The following PDE8A variants were observed in gnomAD, a reference collection of about 807,000 sequenced individuals.
The protein encoded by PDE8A is phosphodiesterase 8A.
A neutral mutation model predicts 105.0 loss-of-function variants in PDE8A; 59 were observed. The observed-to-expected ratio is 0.56, with a 90% CI of 0.46 to 0.70. PDE8A has a LOEUF of 0.70. PDE8A is among the 30% of genes least tolerant of loss of function. The pLI, the probability that PDE8A is intolerant of heterozygous loss-of-function variation, is 0.00. For missense variants in PDE8A, 1,014 were observed against 1,045.9 expected (o/e 0.97, Z 0.42); for synonymous variants, 355 against 371.9 (o/e 0.95, Z 0.52).
intron 1 of PDE8A, among the ~76,000 whole-genome samples, chr15:85,058,305 T>C (rs1447124305): frequency 6.6e-6 from 1 of 152,164 alleles, no homozygotes; most frequent in Non-Finnish European, 1.5e-5. Context: ...TAGGCTTGTC[T>C]TGACTCCTGG....
rs567300953 is a variant in PDE8A, at chr15:85,039,427, TA to T, written c.187-24930del. 7.0e-3 allele frequency among the ~76,000 whole-genome samples: 952 copies of T among 136,628 alleles called. 3 individuals carry two copies. Among genetic ancestry groups the T allele is most frequent in the Non-Finnish European group, 8.6e-3 (544 of 62,968 alleles). The allele number at this position is 136,628 out of a possible 152,430, so 89.6% of individuals were successfully genotyped here. Reference sequence around the variant, plus strand: ...CTGGGTGACAGAGTGAGATCTTGTCTAAAAAAAAAAAAAGATGGAAAATAAA... The same window carrying T: ...CTGGGTGACAGAGTGAGATCTTGTCTAAAAAAAAAAAAGATGGAAAATAAA... On this transcript the variant is annotated intron_variant, in intron 1 of 21. Transcript: ENST00000394553.
At chr15:85,115,946 T>TA (rs1418834560) in intron 15 of PDE8A, 38 bp from the exon 16 acceptor site, 8 of 1,575,632 alleles carry the variant, frequency 5.1e-6, no homozygotes, top group East Asian at 4.5e-5. Context: ...GTTAATCCTT[T>TA]AAAGCCTATT....
intron 21 of PDE8A, 44 bp downstream of exon 21, chr15:85,136,707 G>T: frequency 6.3e-7 from 1 of 1,582,510 alleles, no homozygotes. Context: ...TCTAAATAAT[G>T]GGGAACCGCG....
chr15:85,004,355 A>G (rs1035966366), intron 1 of PDE8A, among the ~76,000 whole-genome samples: 1 of 152,202 alleles, frequency 6.6e-6, no homozygotes, highest in African/African-American at 2.4e-5. Flanking sequence ...TTACTAATTC[A>G]GGGGCAGGCA....
chr15:85,134,096 C>T (rs182020491), intron 20 of PDE8A, among the ~76,000 whole-genome samples: 24 of 152,296 alleles, frequency 1.6e-4, no homozygotes, highest in South Asian at 1.0e-3. Context: ...CAGGAGGGAA[C>T]GGGGGCCCCT....
rs558744564 is a variant in PDE8A at position 84,993,209 on chromosome 15, C to T, written c.186+10861C>T. On this transcript the variant is annotated intron_variant, in intron 1 of 21. Coordinates refer to ENST00000394553, the MANE Select transcript of PDE8A (RefSeq NM_002605.3). The stretch of plus-strand genomic sequence containing the variant: ...CTGTAATCCCAGCACTTTGGGAGGC[C>T]AAGGCGGGCGGATCACAAGGTCAGG... 1.8e-3 allele frequency among the ~76,000 whole-genome samples: 267 copies of T among 150,788 alleles called. 2 individuals carry two copies. Among genetic ancestry groups the T allele is most frequent in the South Asian group, 0.013 (62 of 4,746 alleles).
At chr15:85,075,308 G>T (rs2081365777) in intron 3 of PDE8A, among the ~76,000 whole-genome samples, 1 of 152,190 alleles carries the variant, frequency 6.6e-6, no homozygotes, top group Non-Finnish European at 1.5e-5. Flanking sequence ...ATGAGGTGTT[G>T]ATGCTCTTCT....
chr15:85,060,136 T>C (rs2141440631), intron 1 of PDE8A, among the ~76,000 whole-genome samples: 1 of 152,374 alleles, frequency 6.6e-6, no homozygotes, highest in East Asian at 1.9e-4. Context: ...TGTGTTCAGT[T>C]GATTTTTTGT....
intron 1 of PDE8A, among the ~76,000 whole-genome samples, chr15:85,027,948 G>A (rs1239047233): frequency 6.6e-6 from 1 of 152,098 alleles, no homozygotes; most frequent in African/African-American, 2.4e-5. Context: ...GTCAATTAAT[G>A]TACTTCTATT....
intron 1 of PDE8A, among the ~76,000 whole-genome samples, chr15:85,040,909 T>C (rs2080796548): frequency 6.7e-6 from 1 of 149,748 alleles, no homozygotes; most frequent in Admixed American, 6.6e-5. Context: ...GTAGATCTCA[T>C]TGTCTTTATT....
Position 84,982,330 on chromosome 15 carries a change from C to T in PDE8A, c.168C>T (p.Arg56=), listed in dbSNP as rs1357840104. The change falls in exon 1 of 22, where the codon CGC becomes CGT. Residue 56 remains arginine, a synonymous_variant. Transcript: ENST00000394553. Reference sequence around the variant, plus strand: ...CCGGCCTCTTGGAGTCGGAGCTTCGCGACGGCAGCGGCAAGAAGGTAAGGG... The same window carrying T: ...CCGGCCTCTTGGAGTCGGAGCTTCGTGACGGCAGCGGCAAGAAGGTAAGGG... ...RGAGLLESEL[R]DGSGKKVAVA... is the part of the protein sequence containing the mutation. 1.5e-6 allele frequency: 2 copies of T among 1,325,664 alleles called. No individual in the cohort carries two copies. The highest frequency in any genetic ancestry group is 1.9e-6 in the Non-Finnish European group (2 of 1,041,002). The allele number at this position is 1,325,664 out of a possible 1,614,324, so 82.1% of individuals were successfully genotyped here. A position where few individuals can be genotyped will look rare whatever the true frequency, so the allele number is the denominator to read the frequency against.
At chr15:85,099,383 A>G (rs2081818009) in intron 9 of PDE8A, among the ~76,000 whole-genome samples, 1 of 152,244 alleles carries the variant, frequency 6.6e-6, no homozygotes, top group Non-Finnish European at 1.5e-5. Context: ...TGATCGCCTC[A>G]GGGAGATGGA....
chr15:85,117,967 A>T (rs1196154048), intron 17 of PDE8A, 128 bp downstream of exon 17: 1 of 766,842 alleles, frequency 1.3e-6, no homozygotes, highest in Non-Finnish European at 2.3e-6. Flanking sequence ...GGGCAAGGTC[A>T]TACGAGGAAT....
chr15:85,027,650 A>T (rs1356249153), intron 1 of PDE8A, among the ~76,000 whole-genome samples: 1 of 152,246 alleles, frequency 6.6e-6, no homozygotes, highest in African/African-American at 2.4e-5. Flanking sequence ...ATTTTTGGGA[A>T]TAGTGCGATT....
At chr15:85,048,934 C>A (rs2080928458) in intron 1 of PDE8A, among the ~76,000 whole-genome samples, 1 of 152,136 alleles carries the variant, frequency 6.6e-6, no homozygotes, top group African/African-American at 2.4e-5. Flanking sequence ...AACCCCGTCT[C>A]TACTAAAAAT....
chr15:85,063,405 C>T (rs894812780), intron 1 of PDE8A: 7 of 152,214 alleles, frequency 4.6e-5, no homozygotes, highest in African/African-American at 1.4e-4. Context: ...TACAGAGTCA[C>T]TGGGCAAATT....
intron 6 of PDE8A, among the ~76,000 whole-genome samples, chr15:85,086,157 C>T (rs1226202664): frequency 6.6e-6 from 1 of 152,126 alleles, no homozygotes; most frequent in Non-Finnish European, 1.5e-5. Flanking sequence ...GTTCCAATCT[C>T]ATGTCCTACC....
intron 1 of PDE8A, among the ~76,000 whole-genome samples, chr15:85,025,755 A>T (rs1172286811): frequency 6.6e-6 from 1 of 152,178 alleles, no homozygotes; most frequent in Non-Finnish European, 1.5e-5. Flanking sequence ...AAGGCACTGG[A>T]GTCTTTAAGT....
At position 84,981,969 on chromosome 15, in the gene PDE8A, C is replaced by CGCA. The variant is rs1567212034; in HGVS notation, c.-191_-189dup. 2 of 290,166 alleles carry CGCA rather than the reference C, an allele frequency of 6.9e-6. No homozygotes were observed. The highest frequency in any genetic ancestry group is 4.5e-5 in the African/African-American group (2 of 44,816). The allele number at this position is 290,166 out of a possible 1,614,324, so 18.0% of individuals were successfully genotyped here. Reference sequence around the variant, plus strand: ...ACCCGCCTAAGCGCCCCCTTCCCACCGCAGCCGCCGCCGCCGCAGCGCCCG... The same window carrying CGCA: ...ACCCGCCTAAGCGCCCCCTTCCCACCGCAGCAGCCGCCGCCGCCGCAGCGCCCG... On this transcript the variant is annotated 5_prime_UTR_variant, in exon 1 of 22. Coordinates refer to ENST00000394553, the MANE Select transcript of PDE8A (RefSeq NM_002605.3).
Sources: allele counts gnomAD v4.1 joint callset (sites outside exome capture counted in the v4.1 genomes callset), GRCh38; gene constraint gnomAD v4.1.1; transcripts MANE v1.5; gene names NCBI Gene and HGNC (gene_info 2026-07-23, HGNC 2026-07-21).